GSE1: variants seen among roughly 807,000 people sequenced by gnomAD.
GSE1 encodes the protein Gse1 coiled-coil protein.
Under a neutral mutation model 112.6 loss-of-function variants are expected in GSE1, and 32 were observed. That is an observed-to-expected ratio of 0.28 (90% CI 0.21 to 0.38). The LOEUF is 0.38. GSE1 is among the 10% of genes least tolerant of loss of function. The pLI is 1.00. For synonymous variants in GSE1, 1,115 were observed against 735.6 expected (o/e 1.52, Z -8.35); for missense variants, 2,348 against 1,699.2 (o/e 1.38, Z -6.71).
At chr16:85,436,893 G>T (rs116443988) in intron 2 of GSE1, among the ~76,000 whole-genome samples, 2 of 152,236 alleles carry the variant, frequency 1.3e-5, no homozygotes, top group African/African-American at 2.4e-5. Flanking sequence ...CCGGGACTGT[G>T]GGGGCGGGCT....
chr16:85,539,381 A>C (rs1412138319), intron 2 of GSE1, among the ~76,000 whole-genome samples: 2 of 152,170 alleles, frequency 1.3e-5, no homozygotes, highest in Non-Finnish European at 2.9e-5. Context: ...GGGGTGAGGG[A>C]ACCTAATTAC....
chr16:85,237,522 A>G (rs1904781969), intron 1 of GSE1, among the ~76,000 whole-genome samples: 1 of 151,756 alleles, frequency 6.6e-6, no homozygotes, highest in African/African-American at 2.4e-5. Context: ...GCTTCTCCGT[A>G]AGGTACTGGG....
At chr16:85,388,644 GTGGATGGA>G (rs113197005) in intron 2 of GSE1, among the ~76,000 whole-genome samples, 35 of 149,070 alleles carry the variant, frequency 2.3e-4, no homozygotes, top group Admixed American at 1.1e-3. Context: ...AGGTGTGTGG[GTGGATGGA>G]TGGATGGATG....
At chr16:85,654,653 A>G (rs1194647292) in intron 4 of GSE1, 141 bp from the exon 5 acceptor site, 1 of 723,794 alleles carries the variant, frequency 1.4e-6, no homozygotes, top group Non-Finnish European at 2.4e-6. Context: ...CCCGCTGCTT[A>G]AGCCCCGTCC....
intron 2 of GSE1, among the ~76,000 whole-genome samples, chr16:85,450,539 C>T (rs892281705): frequency 1.3e-5 from 2 of 151,300 alleles, no homozygotes; most frequent in Non-Finnish European, 3.0e-5. Flanking sequence ...AGACTTCACT[C>T]CCCAGGTTCA....
At chr16:85,208,391 T>C (rs2075158222) in intron 1 of GSE1, among the ~76,000 whole-genome samples, 1 of 152,214 alleles carries the variant, frequency 6.6e-6, no homozygotes, top group South Asian at 2.1e-4. Flanking sequence ...TACTCCCTCC[T>C]GGTGCCTGCC....
rs2047057983 is a variant in GSE1 at position 85,360,901 on chromosome 16, G to A, written c.2464+3258G>A. 3.3e-5 allele frequency among the ~76,000 whole-genome samples: 5 copies of A among 151,832 alleles called. No individual in the cohort carries two copies. In the East Asian group the frequency reaches 5.9e-4, roughly 18 times the overall value. ...TTTTTCCCAAGCACACGATATGCAC[G>A]TGGATACACAGACTTACAAGCACAG... is the stretch of plus-strand genomic sequence containing the variant. On this transcript the variant is annotated intron_variant, in intron 2 of 2. Transcript: ENST00000637419.
chr16:85,179,487 C>G (rs1044589753), intron 1 of GSE1, among the ~76,000 whole-genome samples: 2 of 152,130 alleles, frequency 1.3e-5, no homozygotes, highest in South Asian at 2.1e-4. Context: ...TCACAGATGT[C>G]TTCATTTCTC....
chr16:85,177,784 T>C (rs1327876482), intron 1 of GSE1, among the ~76,000 whole-genome samples: 1 of 152,152 alleles, frequency 6.6e-6, no homozygotes, highest in African/African-American at 2.4e-5. Context: ...GCCATGGGGT[T>C]CTGTCCCTTG....
Position 85,656,629 on chromosome 16 carries a change from G to A in GSE1, c.1276G>A (p.Gly426Ser), listed in dbSNP as rs1017632756. The A allele has an allele frequency of 7.8e-6, 12 of 1,539,330 alleles. No individual in the cohort carries two copies. Among genetic ancestry groups the A allele is most frequent in the African/African-American group, 1.4e-5 (1 of 72,788 alleles). The change falls in exon 7 of 16, where the codon GGC becomes AGC. Residue 426 changes from glycine to serine, a missense_variant. Transcript: ENST00000253458. ...GLRGHATEER[G>S]KPSEQLTPTR... Reference sequence around the variant, plus strand: ...GCGTGGCCATGCCACTGAGGAGCGGGGCAAGCCCTCGGAGCAGCTGACCCC... The same window carrying A: ...GCGTGGCCATGCCACTGAGGAGCGGAGCAAGCCCTCGGAGCAGCTGACCCC...
intron 1 of GSE1, among the ~76,000 whole-genome samples, chr16:85,340,424 G>A (rs945350268): frequency 1.6e-4 from 25 of 152,118 alleles, no homozygotes; most frequent in African/African-American, 6.0e-4. Context: ...AGGATCACTT[G>A]AGGTGAGGAG....
intron 1 of GSE1, among the ~76,000 whole-genome samples, chr16:85,240,030 C>T (rs537845244): frequency 1.3e-5 from 2 of 152,370 alleles, no homozygotes; most frequent in South Asian, 2.1e-4. Context: ...GGCTCAAGGG[C>T]CTAGAGTGAG....
At chr16:85,259,692 C>T (rs779584582) in intron 1 of GSE1, among the ~76,000 whole-genome samples, 2 of 152,170 alleles carry the variant, frequency 1.3e-5, no homozygotes, top group East Asian at 1.9e-4. Flanking sequence ...CAGTAACAGT[C>T]CCGAGGGCAG....
chr16:85,181,877 C>T (rs1217968750), intron 1 of GSE1, among the ~76,000 whole-genome samples: 1 of 152,190 alleles, frequency 6.6e-6, no homozygotes, highest in Non-Finnish European at 1.5e-5. Context: ...CGGGGCCTTG[C>T]CACAGCTGCA....
At chr16:85,443,635 C>G (rs1013603873) in intron 2 of GSE1, among the ~76,000 whole-genome samples, 1 of 152,248 alleles carries the variant, frequency 6.6e-6, no homozygotes, top group Non-Finnish European at 1.5e-5. Context: ...TGGCGTGTGC[C>G]GAGTGCAGCG....
intron 1 of GSE1, among the ~76,000 whole-genome samples, chr16:85,217,833 C>G (rs1014446354): frequency 6.6e-6 from 1 of 152,190 alleles, no homozygotes; most frequent in African/African-American, 2.4e-5. Flanking sequence ...CTGACTACCA[C>G]CTGTGCACTC....
At chr16:85,342,550 T>A (rs56150111) in intron 1 of GSE1, among the ~76,000 whole-genome samples, 10 of 151,846 alleles carry the variant, frequency 6.6e-5, no homozygotes, top group Admixed American at 2.6e-4. Context: ...CACTCTCATA[T>A]CCTTTTGGGA....
chr16:85,220,159 T>A (rs544470437), intron 1 of GSE1, among the ~76,000 whole-genome samples: 244 of 152,310 alleles, frequency 1.6e-3, no homozygotes, highest in African/African-American at 5.6e-3. Flanking sequence ...CAAAACATTT[T>A]CCCCTCTGGG....
chr16:85,191,298 A>G lies in GSE1; in HGVS notation c.2283+19491A>G, dbSNP rs538244232. 2.2e-4 allele frequency among the ~76,000 whole-genome samples: 34 copies of G among 152,342 alleles called. No homozygotes were observed. The South Asian group carries it at 7.0e-3, about 32-fold the overall frequency. On this transcript the variant is annotated intron_variant, in intron 1 of 2. Coordinates refer to the GSE1 transcript ENST00000637419. ...ACAAAAACAACAACAACAAATGTATATATATAAAATATTGCAGCTTTATTA... is the reference window on the plus strand; with the variant it reads ...ACAAAAACAACAACAACAAATGTATGTATATAAAATATTGCAGCTTTATTA...
Sources: gnomAD v4.1 joint callset for allele counts (sites outside exome capture counted in the v4.1 genomes callset) on GRCh38, gnomAD v4.1.1 for gene constraint, MANE v1.5 for transcripts, NCBI Gene and HGNC (gene_info 2026-07-23, HGNC 2026-07-21) for gene names.